The following PECAM1 variants were observed in gnomAD, a reference collection of about 807,000 sequenced individuals.
PECAM1 encodes the protein platelet and endothelial cell adhesion molecule 1.
Under a neutral mutation model 13.8 loss-of-function variants are expected in PECAM1, and 8 were observed. That is an observed-to-expected ratio of 0.58 (90% CI 0.34 to 1.05). The LOEUF (loss-of-function observed/expected upper bound fraction) is 1.05. Among genes scored for constraint, PECAM1 ranks in the 50% least tolerant of loss-of-function variants. PECAM1 has a pLI of 0.03. For synonymous variants in PECAM1, 136 were observed against 52.6 expected (o/e 2.58, Z -6.86); for missense variants, 304 against 141.2 (o/e 2.15, Z -5.84).
At chr17:64,377,770 G>A (rs1248634612) in intron 3 of PECAM1, 54 bp downstream of exon 3, 9 of 473,370 alleles carry the variant, frequency 1.9e-5, no homozygotes, top group African/African-American at 7.9e-5. Context: ...TGTTATTCAC[G>A]CCACTGTGTG....
intron 5 of PECAM1, among the ~76,000 whole-genome samples, chr17:64,366,200 A>G (rs28858460): frequency 0.78 from 109,229 of 139,404 alleles, 48,876 homozygotes; most frequent in East Asian, 1. Flanking sequence ...AGACATTTAT[A>G]CAGCCAAAAA....
chr17:64,382,824 G>T (rs914193896), intron 2 of PECAM1, among the ~76,000 whole-genome samples: 1 of 151,788 alleles, frequency 6.6e-6, no homozygotes, highest in Non-Finnish European at 1.5e-5. Flanking sequence ...ATCACTTGAG[G>T]TCAGGAGTTC....
At chr17:64,381,260 T>C (rs923953708) in intron 2 of PECAM1, among the ~76,000 whole-genome samples, 3,068 of 152,348 alleles carry the variant, frequency 0.02, 37 homozygotes, top group Non-Finnish European at 0.029. Flanking sequence ...TAATGGACCT[T>C]GTTCCTCTTT....
chr17:64,321,469 C>G lies in PECAM1; in HGVS notation c.*2347G>C. ...GAAAGTAATTTTAAACTCATGTGTG[C>G]TCCACAGGCCGGGGGCGGTGGCTCA... On this transcript the variant is annotated 3_prime_UTR_variant, in exon 16 of 16. Coordinates refer to ENST00000563924, the MANE Select transcript of PECAM1 (RefSeq NM_000442.5). 1.0e-6 allele frequency: 1 copy of G among 990,410 alleles called. No individual in the cohort carries two copies. Among genetic ancestry groups the G allele is most frequent in the Non-Finnish European group, 1.2e-6 (1 of 832,346 alleles). The allele number at this position is 990,410 out of a possible 1,614,324, so 61.4% of individuals were successfully genotyped here.
At chr17:64,339,096 C>T (rs1410065496) in intron 14 of PECAM1, among the ~76,000 whole-genome samples, 1 of 152,150 alleles carries the variant, frequency 6.6e-6, no homozygotes, top group African/African-American at 2.4e-5. Flanking sequence ...GGCCTCCAAC[C>T]AGTAGCCTCA....
intron 14 of PECAM1, among the ~76,000 whole-genome samples, chr17:64,337,855 T>C (rs1170529803): frequency 5.3e-5 from 8 of 151,630 alleles, no homozygotes; most frequent in African/African-American, 1.9e-4. Flanking sequence ...GGTTCAGATG[T>C]AGAAGGAAGT....
intron 4 of PECAM1, among the ~76,000 whole-genome samples, chr17:64,374,047 G>A (rs972434745): frequency 1.3e-5 from 2 of 152,074 alleles, no homozygotes; most frequent in Non-Finnish European, 2.9e-5. Context: ...TGAACAACAG[G>A]AGGCCAAGGC....
chr17:64,323,291 A>G lies in PECAM1; in HGVS notation c.*525T>C. ...TCCCATTTGTGGAGGGCGAGGTCAT[A>G]GAGGGGACAGGGGGAGGCTGTCTGG... On this transcript the variant is annotated 3_prime_UTR_variant, in exon 16 of 16. Coordinates refer to ENST00000563924, the MANE Select transcript of PECAM1 (RefSeq NM_000442.5). The G allele has an allele frequency of 2.0e-6, 2 of 999,362 alleles. No individual in the cohort carries two copies. The highest frequency in any genetic ancestry group is 2.4e-6 in the Non-Finnish European group (2 of 838,084). The allele number at this position is 999,362 out of a possible 1,614,324, so 61.9% of individuals were successfully genotyped here.
At chr17:64,341,994 T>A (rs1445731802) in intron 13 of PECAM1, among the ~76,000 whole-genome samples, 1 of 151,590 alleles carries the variant, frequency 6.6e-6, no homozygotes, top group Non-Finnish European at 1.5e-5. Context: ...TACTAAAAAT[T>A]CAAAAAATTA....
intron 2 of PECAM1, among the ~76,000 whole-genome samples, chr17:64,384,207 G>A (rs8066263): frequency 0.42 from 64,077 of 151,952 alleles, 15,052 homozygotes; most frequent in South Asian, 0.59. Context: ...TGGCTAGCTC[G>A]AACAGACAAG....
At chr17:64,340,442 T>G (rs2035396881) in intron 14 of PECAM1, among the ~76,000 whole-genome samples, 2 of 152,178 alleles carry the variant, frequency 1.3e-5, no homozygotes, top group Non-Finnish European at 2.9e-5. Context: ...AATGATTCCC[T>G]TTCCAAGAAC....
At chr17:64,352,665 T>C (rs911925404) in intron 10 of PECAM1, among the ~76,000 whole-genome samples, 1 of 152,074 alleles carries the variant, frequency 6.6e-6, no homozygotes, top group Non-Finnish European at 1.5e-5. Flanking sequence ...AAAACTTTTT[T>C]TTTTTTTTAG....
At chr17:64,326,111 C>A (rs987991885) in intron 15 of PECAM1, among the ~76,000 whole-genome samples, 3 of 152,054 alleles carry the variant, frequency 2.0e-5, no homozygotes, top group African/African-American at 7.2e-5. Context: ...GGAAGGAGCC[C>A]TTGGAGGGAA....
chr17:64,363,021 G>A (rs2036021464), intron 6 of PECAM1, 128 bp downstream of exon 6: 3 of 455,430 alleles, frequency 6.6e-6, no homozygotes, highest in Non-Finnish European at 1.2e-5. Context: ...CTTTGATTTC[G>A]CACTTCTCTC....
chr17:64,331,383 G>A (rs1207397494), intron 14 of PECAM1, among the ~76,000 whole-genome samples: 2 of 152,050 alleles, frequency 1.3e-5, no homozygotes, highest in Admixed American at 6.5e-5. Context: ...ATGGGGTTTC[G>A]CCATGTTGGC....
intron 12 of PECAM1, among the ~76,000 whole-genome samples, chr17:64,348,898 T>C (rs1301170539): frequency 1.3e-5 from 2 of 152,172 alleles, no homozygotes; most frequent in Non-Finnish European, 2.9e-5. Flanking sequence ...ACTCCTCTGT[T>C]ACCAGGATGT....
chr17:64,336,991 G>A (rs1011015716), intron 14 of PECAM1, among the ~76,000 whole-genome samples: 10 of 152,068 alleles, frequency 6.6e-5, no homozygotes, highest in Admixed American at 2.0e-4. Context: ...AAGAGAGAGC[G>A]AGAGAGAAAG....
At chr17:64,339,412 TAG>T (rs1166211027) in intron 14 of PECAM1, among the ~76,000 whole-genome samples, 3 of 152,280 alleles carry the variant, frequency 2.0e-5, no homozygotes, top group Admixed American at 1.3e-4. Context: ...TTAGACCACT[TAG>T]CACATACAAT....
rs1445985032 is a variant in PECAM1 at position 64,323,769 on chromosome 17, C to A, written c.*47G>T. The A allele has an allele frequency of 8.8e-7, 1 of 1,131,414 alleles. No individual in the cohort carries two copies. Among genetic ancestry groups the A allele is most frequent in the Non-Finnish European group, 1.4e-6 (1 of 739,580 alleles). The allele number at this position is 1,131,414 out of a possible 1,614,324, so 70.1% of individuals were successfully genotyped here. Reference sequence around the variant, plus strand: ...TGAAATACAGGGATTATCTGTTCTTCTCGGAACATGGATGTCCTTCCAGGG... The same window carrying A: ...TGAAATACAGGGATTATCTGTTCTTATCGGAACATGGATGTCCTTCCAGGG... On this transcript the variant is annotated 3_prime_UTR_variant, in exon 16 of 16. Coordinates refer to ENST00000563924, the MANE Select transcript of PECAM1 (RefSeq NM_000442.5).
Sources: allele counts gnomAD v4.1 joint callset (sites outside exome capture counted in the v4.1 genomes callset), GRCh38; gene constraint gnomAD v4.1.1; transcripts MANE v1.5; gene names NCBI Gene and HGNC (gene_info 2026-07-23, HGNC 2026-07-21).